CDH18: variants seen among roughly 807,000 people sequenced by gnomAD.
The protein encoded by CDH18 is cadherin-18.
CDH18 carries 31 observed loss-of-function variants against 67.9 expected under a neutral mutation model. The ratio of observed to expected loss-of-function variants is 0.46; its 90% CI spans 0.34 to 0.62. CDH18 has a LOEUF of 0.62. Among genes scored for constraint, CDH18 ranks in the 20% least tolerant of loss-of-function variants. The pLI is 0.01. For missense variants in CDH18, 890 were observed against 975.5 expected, an observed-to-expected ratio of 0.91 and a Z score of 1.17; for synonymous variants, 362 against 347.2, an observed-to-expected ratio of 1.04 and a Z score of -0.48.
intron 1 of CDH18, among the ~76,000 whole-genome samples, chr5:20,369,679 A>G (rs1358390662): frequency 6.6e-6 from 1 of 152,228 alleles, no homozygotes; most frequent in Non-Finnish European, 1.5e-5. Flanking sequence ...TCCAGTGGCC[A>G]TGAGCCAACA....
intron 4 of CDH18, among the ~76,000 whole-genome samples, chr5:19,723,875 A>G (rs550595715): frequency 9.4e-4 from 143 of 151,832 alleles, no homozygotes; most frequent in African/African-American, 3.3e-3. Flanking sequence ...CACCACACCC[A>G]GCTAATTTTT....
intron 1 of CDH18, among the ~76,000 whole-genome samples, chr5:20,505,751 G>A (rs1226602675): frequency 6.6e-6 from 1 of 152,154 alleles, no homozygotes; most frequent in Admixed American, 6.5e-5. Flanking sequence ...TGCATTTTCT[G>A]CACATTGTTT....
intron 2 of CDH18, among the ~76,000 whole-genome samples, chr5:20,039,223 T>C (rs1008058750): frequency 6.6e-6 from 1 of 152,210 alleles, no homozygotes; most frequent in African/African-American, 2.4e-5. Flanking sequence ...AAACATTCCA[T>C]GTTCATGGAT....
chr5:20,230,297 C>T (rs1741963409), intron 2 of CDH18, among the ~76,000 whole-genome samples: 1 of 152,088 alleles, frequency 6.6e-6, no homozygotes, highest in East Asian at 1.9e-4. Flanking sequence ...CCACTAAACT[C>T]CTGCAGGGCC....
At chr5:20,219,700 A>G (rs192863022) in intron 2 of CDH18, among the ~76,000 whole-genome samples, 1 of 151,982 alleles carries the variant, frequency 6.6e-6, no homozygotes, top group Non-Finnish European at 1.5e-5. Context: ...TCAATGTGAT[A>G]TATGGTATGA....
intron 12 of CDH18, among the ~76,000 whole-genome samples, chr5:19,480,313 G>C (rs996550919): frequency 6.6e-6 from 1 of 151,716 alleles, no homozygotes; most frequent in Non-Finnish European, 1.5e-5. Flanking sequence ...AATATCTAAA[G>C]AAAACAGCAG....
chr5:19,670,961 A>C (rs993096411), intron 5 of CDH18, among the ~76,000 whole-genome samples: 2 of 152,140 alleles, frequency 1.3e-5, no homozygotes, highest in African/African-American at 4.8e-5. Flanking sequence ...ATGAAAAAGA[A>C]AATTTTAAAA....
chr5:20,366,831 T>G (rs79735828), intron 1 of CDH18, among the ~76,000 whole-genome samples: 3,385 of 152,242 alleles, frequency 0.022, 92 homozygotes, highest in East Asian at 0.061. Flanking sequence ...ACATGTAGTT[T>G]AGCAAGCTGG....
chr5:19,819,336 G>A (rs1391055550), intron 3 of CDH18, among the ~76,000 whole-genome samples: 1 of 152,066 alleles, frequency 6.6e-6, no homozygotes, highest in Non-Finnish European at 1.5e-5. Context: ...GAATAAGATG[G>A]CCAACTAGAC....
chr5:19,619,465 G>A (rs1442942081), intron 5 of CDH18, among the ~76,000 whole-genome samples: 1 of 152,158 alleles, frequency 6.6e-6, no homozygotes, highest in Non-Finnish European at 1.5e-5. Flanking sequence ...TGAATTGCAT[G>A]GAGAAAGCAG....
In CDH18 at chr5:20,308,569, CA is replaced by C. The variant is rs1305549713; in HGVS notation, c.-579-53065del. 6.7e-5 allele frequency among the ~76,000 whole-genome samples: 10 copies of C among 149,120 alleles called. No individual in the cohort carries two copies. The South Asian group carries it at 2.1e-3, about 31-fold the overall frequency. On this transcript the variant is annotated intron_variant, in intron 1 of 14. Transcript: ENST00000507958. ...AAAAAAAAAAAATTCTGTGTGAAAA[CA>C]AAAACAGAGAGGTGAAGTAGTTGCA...
chr5:20,408,746 C>G (rs1369922131), intron 1 of CDH18, among the ~76,000 whole-genome samples: 2 of 151,672 alleles, frequency 1.3e-5, no homozygotes, highest in East Asian at 3.9e-4. Flanking sequence ...CTATCAATAA[C>G]TACTTTAAAT....
At chr5:19,968,332 A>G (rs1464840487) in intron 2 of CDH18, among the ~76,000 whole-genome samples, 46 of 152,112 alleles carry the variant, frequency 3.0e-4, no homozygotes, top group Non-Finnish European at 4.6e-4. Flanking sequence ...ACAGAATTGA[A>G]AAAAAATTAC....
At chr5:20,419,482 T>G (rs1747667288) in intron 1 of CDH18, among the ~76,000 whole-genome samples, 4 of 104,904 alleles carry the variant, frequency 3.8e-5, no homozygotes, top group South Asian at 3.9e-4. Context: ...TTTTTTTTTT[T>G]TTTTTTTTTT....
chr5:20,304,768 G>T (rs185929580), intron 1 of CDH18: 1 of 1,610,936 alleles, frequency 6.2e-7, no homozygotes, highest in Non-Finnish European at 8.5e-7. Context: ...CTGTAATTTT[G>T]TTGAGCCAAC....
intron 5 of CDH18, among the ~76,000 whole-genome samples, chr5:19,692,470 T>A (rs1762024169): frequency 6.6e-6 from 1 of 152,060 alleles, no homozygotes; most frequent in Non-Finnish European, 1.5e-5. Context: ...ATAAAATATT[T>A]GCAAATTATT....
At chr5:19,844,590 T>C (rs1782716462) in intron 2 of CDH18, among the ~76,000 whole-genome samples, 1 of 152,178 alleles carries the variant, frequency 6.6e-6, no homozygotes, top group South Asian at 2.1e-4. Context: ...AGGAACCAAA[T>C]ACTTTCTTTC....
At chr5:19,525,382 G>T (rs1453535596) in intron 9 of CDH18, among the ~76,000 whole-genome samples, 1 of 151,128 alleles carries the variant, frequency 6.6e-6, no homozygotes, top group East Asian at 1.9e-4. Context: ...ATGATTAAAA[G>T]CATAGCATTT....
chr5:20,425,499 CTG>C (rs1276092889), intron 1 of CDH18, among the ~76,000 whole-genome samples: 1 of 150,870 alleles, frequency 6.6e-6, no homozygotes, highest in Non-Finnish European at 1.5e-5. Flanking sequence ...TAAATTAAAA[CTG>C]GATACAGAGT....
Sources: allele counts gnomAD v4.1 joint callset (sites outside exome capture counted in the v4.1 genomes callset), GRCh38; gene constraint gnomAD v4.1.1; transcripts MANE v1.5; gene names NCBI Gene and HGNC (gene_info 2026-07-23, HGNC 2026-07-21).